The following SEMA5A variants were observed in gnomAD, a reference collection of about 807,000 sequenced individuals.
SEMA5A encodes the protein semaphorin-5A.
Under a neutral mutation model 135.5 loss-of-function variants are expected in SEMA5A, and 55 were observed. The ratio of observed to expected loss-of-function variants is 0.41; its 90% CI spans 0.33 to 0.51. SEMA5A has a LOEUF of 0.51. SEMA5A is among the 20% of genes least tolerant of loss of function. SEMA5A has a pLI of 0.37. For synonymous variants in SEMA5A, 580 were observed against 546.5 expected, an observed-to-expected ratio of 1.06 and a Z score of -0.85; for missense variants, 1,290 against 1,419.9, an observed-to-expected ratio of 0.91 and a Z score of 1.47.
At position 9,426,807 on chromosome 5, in the gene SEMA5A, AG is replaced by A. The variant is rs754391213; in HGVS notation, c.-78+10948del. Among the ~76,000 whole-genome samples the A allele has an allele frequency of 5.8e-4, 89 of 152,244 alleles. 1 individual carries two copies. The highest frequency in any genetic ancestry group is 1.2e-3 in the Non-Finnish European group (79 of 68,036). On this transcript the variant is annotated intron_variant, in intron 2 of 22. Coordinates refer to ENST00000382496, the MANE Select transcript of SEMA5A (RefSeq NM_003966.3). ...CTGCCATAAAGACAAAAAATGAGCAAGAAAATGAGAGTCAAAGTTAGAAAAC... is the reference window on the plus strand; with the variant it reads ...CTGCCATAAAGACAAAAAATGAGCAAAAAATGAGAGTCAAAGTTAGAAAAC...
chr5:9,345,536 A>AC (rs1214726202), intron 3 of SEMA5A, among the ~76,000 whole-genome samples: 2 of 151,788 alleles, frequency 1.3e-5, no homozygotes, highest in Non-Finnish European at 2.9e-5. Context: ...AAAAAAAAAA[A>AC]AAAAAGTGGT....
At position 9,054,070 on chromosome 5, in the gene SEMA5A, G is replaced by A. The variant is rs756259101; in HGVS notation, c.2689+17C>T. 9.4e-6 allele frequency: 15 copies of A among 1,595,844 alleles called. No homozygotes were observed. The Admixed American group carries it at 2.5e-4, about 26-fold the overall frequency. On this transcript the variant is annotated intron_variant, in intron 19 of 22. Coordinates refer to ENST00000382496, the MANE Select transcript of SEMA5A (RefSeq NM_003966.3). The stretch of plus-strand genomic sequence containing the variant: ...CAATTTGTCTGAAAGCTGTGCAGTA[G>A]GTGAGGTGCCGCTTACCTGGGCAGG...
chr5:9,527,530 C>G (rs1737202684), intron 1 of SEMA5A, among the ~76,000 whole-genome samples: 1 of 152,136 alleles, frequency 6.6e-6, no homozygotes, highest in African/African-American at 2.4e-5. Flanking sequence ...GGTGACCAAA[C>G]AGAGGTGGCG....
chr5:9,531,309 G>T (rs755659158), intron 1 of SEMA5A, among the ~76,000 whole-genome samples: 1 of 152,168 alleles, frequency 6.6e-6, no homozygotes, highest in African/African-American at 2.4e-5. Context: ...CTGGTCTTCA[G>T]GCCACCTACA....
At chr5:9,488,902 T>G (rs1431144017) in intron 1 of SEMA5A, among the ~76,000 whole-genome samples, 1 of 152,180 alleles carries the variant, frequency 6.6e-6, no homozygotes, top group African/African-American at 2.4e-5. Context: ...TTCTTTTGCA[T>G]TTTAAGTCAA....
rs10070554 is a variant in SEMA5A at position 9,468,011 on chromosome 5, G to A, written c.-174-30159C>T. 9.9e-3 allele frequency among the ~76,000 whole-genome samples: 1,502 copies of A among 152,274 alleles called. 20 individuals are homozygous for A. The highest frequency in any genetic ancestry group is 0.034 in the African/African-American group (1,428 of 41,552). ...TATTATCCCTATTATGTGGAGCACA[G>A]AGAGCTGTAAGAGGACTTGCTCAGG... On this transcript the variant is annotated intron_variant, in intron 1 of 22. Coordinates refer to ENST00000382496, the MANE Select transcript of SEMA5A (RefSeq NM_003966.3).
intron 5 of SEMA5A, among the ~76,000 whole-genome samples, chr5:9,317,380 C>CAGATG (rs2150665599): frequency 6.6e-6 from 1 of 152,226 alleles, no homozygotes. Context: ...GACCATTTCA[C>CAGATG]AGATGAGGAA....
chr5:9,115,592 C>T (rs1009660942), intron 15 of SEMA5A, among the ~76,000 whole-genome samples: 1 of 152,208 alleles, frequency 6.6e-6, no homozygotes, highest in Non-Finnish European at 1.5e-5. Flanking sequence ...CCCAGACAGC[C>T]TCTTCCACAT....
chr5:9,543,915 G>A (rs1272350581), intron 1 of SEMA5A, among the ~76,000 whole-genome samples: 2 of 151,798 alleles, frequency 1.3e-5, no homozygotes, highest in Admixed American at 6.6e-5. Context: ...GTAAATACAG[G>A]CACAGACAAG....
rs574109562 is a variant in SEMA5A, at chr5:9,355,847, AAATG to A, written c.125-18039_125-18036del. 4.2e-3 allele frequency among the ~76,000 whole-genome samples: 640 copies of A among 152,350 alleles called. 3 individuals are homozygous for A. Among genetic ancestry groups the A allele is most frequent in the Non-Finnish European group, 6.5e-3 (443 of 68,038 alleles). Reference sequence around the variant, plus strand: ...CATTAGAACAAATGAATGCATGCAGAAATGAATGAATAAAGCCCACATCCCTGCA... The same window carrying A: ...CATTAGAACAAATGAATGCATGCAGAAATGAATAAAGCCCACATCCCTGCA... On this transcript the variant is annotated intron_variant, in intron 3 of 22. Transcript: ENST00000382496.
intron 1 of SEMA5A, among the ~76,000 whole-genome samples, chr5:9,527,497 C>G (rs1184762881): frequency 6.6e-6 from 1 of 152,224 alleles, no homozygotes; most frequent in Non-Finnish European, 1.5e-5. Context: ...CCTTCTCGCT[C>G]TCTGTGTGGG....
chr5:9,221,491 A>C (rs1273197622), intron 8 of SEMA5A, among the ~76,000 whole-genome samples: 1 of 151,414 alleles, frequency 6.6e-6, no homozygotes, highest in Non-Finnish European at 1.5e-5. Flanking sequence ...TTTAGTAGAG[A>C]CGGGGTTTCA....
At chr5:9,258,871 A>G (rs1038946977) in intron 5 of SEMA5A, among the ~76,000 whole-genome samples, 3 of 118,134 alleles carry the variant, frequency 2.5e-5, no homozygotes, top group African/African-American at 9.8e-5. Flanking sequence ...CTGGAGTGCA[A>G]TGTCATGATC....
chr5:9,147,361 C>T (rs770610544), intron 12 of SEMA5A, among the ~76,000 whole-genome samples: 2 of 151,990 alleles, frequency 1.3e-5, no homozygotes, highest in Non-Finnish European at 2.9e-5. Context: ...CAACCTCCGC[C>T]TCCTGGGTTT....
At chr5:9,199,835 A>G (rs923905338) in intron 9 of SEMA5A, among the ~76,000 whole-genome samples, 6 of 152,192 alleles carry the variant, frequency 3.9e-5, no homozygotes, top group Admixed American at 2.0e-4. Context: ...GTAGTAGCAC[A>G]CCATTTTCTG....
At chr5:9,414,955 T>C (rs1050732884) in intron 2 of SEMA5A, among the ~76,000 whole-genome samples, 1 of 152,186 alleles carries the variant, frequency 6.6e-6, no homozygotes, top group African/African-American at 2.4e-5. Context: ...TATCACTCCC[T>C]TTCATAGGCG....
At chr5:9,161,944 C>T (rs745977032) in intron 11 of SEMA5A, among the ~76,000 whole-genome samples, 52 of 152,298 alleles carry the variant, frequency 3.4e-4, no homozygotes, top group Admixed American at 6.5e-4. Context: ...GGAACCTGGT[C>T]TCTAAATCCT....
At chr5:9,134,874 C>A (rs1741644003) in intron 13 of SEMA5A, among the ~76,000 whole-genome samples, 1 of 152,122 alleles carries the variant, frequency 6.6e-6, no homozygotes, top group South Asian at 2.1e-4. Flanking sequence ...AAGGTGAGCA[C>A]CCTTGTGTTC....
intron 16 of SEMA5A, among the ~76,000 whole-genome samples, chr5:9,099,378 G>A (rs958427675): frequency 6.6e-6 from 1 of 151,766 alleles, no homozygotes; most frequent in Non-Finnish European, 1.5e-5. Flanking sequence ...TTAAAAAAAA[G>A]AAAACAAACT....
Sources: allele counts gnomAD v4.1 joint callset (sites outside exome capture counted in the v4.1 genomes callset), GRCh38; gene constraint gnomAD v4.1.1; transcripts MANE v1.5; gene names NCBI Gene and HGNC (gene_info 2026-07-23, HGNC 2026-07-21).